The following FHDC1 variants were observed in gnomAD, a reference collection of about 807,000 sequenced individuals.
FHDC1 encodes FH2 domain-containing protein 1.
In FHDC1, 25 loss-of-function variants were observed where a neutral mutation model predicts 52.6. That is an observed-to-expected ratio of 0.48 (90% confidence interval 0.35 to 0.66). The LOEUF is 0.66. Ranked by LOEUF, FHDC1 falls within the 30% of genes least tolerant of loss-of-function variation. FHDC1 has a pLI of 0.01. For missense variants in FHDC1, 1,459 were observed against 1,452.8 expected (o/e 1.00, Z -0.07); for synonymous variants, 616 against 581.5 (o/e 1.06, Z -0.85).
rs1252935062 is a variant in FHDC1 at position 152,941,887 on chromosome 4, T to A, written c.-130-1041T>A. On this transcript the variant is annotated intron_variant, in intron 1 of 11. Coordinates refer to ENST00000511601, the MANE Select transcript of FHDC1 (RefSeq NM_001371116.1). ...AAATAGTCCCCTTTCCACACTCCCA[T>A]CTAGTTGGGGTACTCACTCAATAGC... Among the ~76,000 whole-genome samples, 6 of 152,136 alleles carry A rather than the reference T, an allele frequency of 3.9e-5. 1 individual carries two copies.
At chr4:152,940,423 C>A (rs1419223303) in intron 1 of FHDC1, among the ~76,000 whole-genome samples, 2 of 152,234 alleles carry the variant, frequency 1.3e-5, no homozygotes, top group African/African-American at 4.8e-5. Context: ...GCAGAGCTAA[C>A]AAGTGTCACT....
the FHDC1 span, chr4:152,927,336 G>C: frequency 1.5e-6 from 1 of 688,884 alleles, no homozygotes; most frequent in Non-Finnish European, 2.6e-6. Flanking sequence ...CCTCCACTCA[G>C]AATCCCGTTG....
At chr4:152,912,463 C>G in the FHDC1 span, 1 of 152,106 alleles carries the variant, frequency 6.6e-6, no homozygotes, top group Non-Finnish European at 1.5e-5. Context: ...TACTTACTCC[C>G]TTAGGTTATA....
At chr4:152,961,547 G>C (rs771558712) in intron 6 of FHDC1, among the ~76,000 whole-genome samples, 1 of 152,208 alleles carries the variant, frequency 6.6e-6, no homozygotes, top group South Asian at 2.1e-4. Flanking sequence ...TGAGAATCCC[G>C]GCGGAGTTGC....
rs1740997047 is a variant in FHDC1, at chr4:152,979,133, C to T, written c.*2410C>T. On this transcript the variant is annotated 3_prime_UTR_variant, in exon 12 of 12. Transcript: ENST00000511601. Reference sequence around the variant, plus strand: ...GACCTCTTGGAGGAACCCTGGGTACCAAGCTCCCAGGCCCTTCCTCTATCA... The same window carrying T: ...GACCTCTTGGAGGAACCCTGGGTACTAAGCTCCCAGGCCCTTCCTCTATCA... 6.6e-6 allele frequency: 1 copy of T among 152,158 alleles called. No homozygotes were observed. Among genetic ancestry groups the T allele is most frequent in the African/African-American group, 2.4e-5 (1 of 41,434 alleles). The allele number at this position is 152,158 out of a possible 1,614,324, so 9.4% of individuals were successfully genotyped here. A position where few individuals can be genotyped will look rare whatever the true frequency, so the allele number is the denominator to read the frequency against.
Position 152,976,437 on chromosome 4 carries a change from C to A in FHDC1, c.3146C>A (p.Thr1049Lys), listed in dbSNP as rs781346799. 1 of 1,613,734 alleles carries A rather than the reference C, an allele frequency of 6.2e-7. No homozygotes were observed. Among genetic ancestry groups the A allele is most frequent in the South Asian group, 1.1e-5 (1 of 91,090 alleles). The change falls in exon 12 of 12, where the codon ACA becomes AAA. Residue 1049 changes from threonine to lysine, a missense_variant. By Grantham distance (78) the Thr-to-Lys change is moderately conservative. Transcript: ENST00000511601. Reference protein sequence around the residue: ...TVASSSRSMRTDLPPVAKAPG... With the variant: ...TVASSSRSMRKDLPPVAKAPG... ...GCCTCCTCCTCTCGAAGCATGAGAA[C>A]AGATCTTCCTCCCGTGGCCAAAGCC...
chr4:152,917,598 C>T, the FHDC1 span, among the ~76,000 whole-genome samples: 1 of 151,896 alleles, frequency 6.6e-6, no homozygotes, highest in African/African-American at 2.4e-5. Context: ...ACAGAAGTAG[C>T]AAAAAGGCCA....
At chr4:152,962,725 ATACACT>A in intron 6 of FHDC1, 83 bp from the exon 7 acceptor site, 1 of 1,064,796 alleles carries the variant, frequency 9.4e-7, no homozygotes, top group South Asian at 1.3e-5. Flanking sequence ...TTTGCTTCAG[ATACACT>A]TGAACTTGGA....
rs756080401 is a variant in FHDC1, at chr4:152,975,748, A to T, written c.2457A>T (p.Gln819His). The T allele has an allele frequency of 1.3e-6, 2 of 1,583,994 alleles. No individual in the cohort carries two copies. The highest frequency in any genetic ancestry group is 1.7e-6 in the Non-Finnish European group (2 of 1,162,712). ...SSGVGEMGDS[Q>H]VSSNPTSSPP... Reference sequence around the variant, plus strand: ...GGGTTGGAGAAATGGGGGACAGCCAAGTCTCCTCCAACCCTACATCCAGCC... The same window carrying T: ...GGGTTGGAGAAATGGGGGACAGCCATGTCTCCTCCAACCCTACATCCAGCC... Residue 819 changes from glutamine to histidine, a missense_variant, in exon 12 of 12, where the codon CAA becomes CAT. Coordinates refer to ENST00000511601, the MANE Select transcript of FHDC1 (RefSeq NM_001371116.1).
At chr4:152,957,765 G>A (rs1740145803) in intron 4 of FHDC1, among the ~76,000 whole-genome samples, 1 of 152,206 alleles carries the variant, frequency 6.6e-6, no homozygotes, top group African/African-American at 2.4e-5. Context: ...TCGTTGTTGA[G>A]AATTTCTCTG....
intron 4 of FHDC1, among the ~76,000 whole-genome samples, chr4:152,959,996 G>T (rs997862461): frequency 6.6e-6 from 1 of 152,034 alleles, no homozygotes; most frequent in African/African-American, 2.4e-5. Flanking sequence ...GAGCAGATGC[G>T]TACTCACCTG....
In FHDC1 at chr4:152,964,969, C is replaced by G; in HGVS notation, c.1094C>G (p.Thr365Ser). 6.2e-7 allele frequency: 1 copy of G among 1,609,204 alleles called. No individual in the cohort carries two copies. Among genetic ancestry groups the G allele is most frequent in the Non-Finnish European group, 8.5e-7 (1 of 1,178,408 alleles). ...GAAAAATTGCATCATGTTCAGAAGACTGCTAGGTGAGCAAGTGAATTGTGA... is the reference window on the plus strand; with the variant it reads ...GAAAAATTGCATCATGTTCAGAAGAGTGCTAGGTGAGCAAGTGAATTGTGA... ...FSEKLHHVQK[T>S]ARLSLENTEA... The change falls in exon 9 of 12, where the codon ACT becomes AGT. Residue 365 changes from threonine (T) to serine (S), a missense_variant. Coordinates refer to ENST00000511601, the MANE Select transcript of FHDC1 (RefSeq NM_001371116.1).
chr4:152,931,444 C>G (rs1739250666), upstream of FHDC1, among the ~76,000 whole-genome samples: 1 of 143,890 alleles, frequency 6.9e-6, no homozygotes, highest in Non-Finnish European at 1.5e-5. Flanking sequence ...TCTTCCATCT[C>G]CAGCCTCTAA....
chr4:152,967,329 A>G (rs1383333217), intron 9 of FHDC1, among the ~76,000 whole-genome samples: 1 of 152,116 alleles, frequency 6.6e-6, no homozygotes, highest in Non-Finnish European at 1.5e-5. Flanking sequence ...CTGGAGGCTG[A>G]GGCATGAGAA....
At chr4:152,913,854 A>G in the FHDC1 span, among the ~76,000 whole-genome samples, 2 of 151,334 alleles carry the variant, frequency 1.3e-5, no homozygotes, top group Non-Finnish European at 1.5e-5. Context: ...CTTATTTTAT[A>G]TTTTTAGTTA....
chr4:152,957,899 G>A (rs757062518), intron 4 of FHDC1, among the ~76,000 whole-genome samples: 5 of 151,774 alleles, frequency 3.3e-5, no homozygotes, highest in Admixed American at 6.5e-5. Flanking sequence ...TGTCCAGCAC[G>A]GAGTTCCCAA....
chr4:152,923,128 T>C, the FHDC1 span, among the ~76,000 whole-genome samples: 1 of 152,208 alleles, frequency 6.6e-6, no homozygotes, highest in Non-Finnish European at 1.5e-5. Flanking sequence ...CAGCCCAAAA[T>C]CTCCTTAAGC....
At chr4:152,930,997 A>ACACACACTCTCTCT in the FHDC1 span, among the ~76,000 whole-genome samples, 1 of 113,146 alleles carries the variant, frequency 8.8e-6, no homozygotes, top group Non-Finnish European at 1.9e-5. Flanking sequence ...ACACACACAC[A>ACACACACTCTCTCT]CTCTCTCTCT....
At chr4:152,921,777 T>C in the FHDC1 span, among the ~76,000 whole-genome samples, 1 of 152,096 alleles carries the variant, frequency 6.6e-6, no homozygotes, top group Admixed American at 6.6e-5. Flanking sequence ...AATTTTGACA[T>C]CTAGCAGAGA....
Sources: gnomAD v4.1 joint callset for allele counts (sites outside exome capture counted in the v4.1 genomes callset) on GRCh38, gnomAD v4.1.1 for gene constraint, MANE v1.5 for transcripts, NCBI Gene and HGNC (gene_info 2026-07-23, HGNC 2026-07-21) for gene names.